Variants in SLC35D4 observed in about 807,000 individuals in gnomAD.
The protein encoded by SLC35D4 is UDP-N-acetylglucosamine transporter SLC35D4.
chr18:23,285,803 G>A, the SLC35D4 span, among the ~76,000 whole-genome samples: 6 of 152,004 alleles, frequency 3.9e-5, no homozygotes, highest in South Asian at 2.1e-4. Flanking sequence ...TCCGGCTTAC[G>A]GTTTCATTCC....
At chr18:23,414,879 C>T in the SLC35D4 span, among the ~76,000 whole-genome samples, 4,034 of 152,176 alleles carry the variant, frequency 0.027, 60 homozygotes, top group Middle Eastern at 0.061. Context: ...CTTTGAGAGG[C>T]CATCAGGAGG....
the SLC35D4 span, among the ~76,000 whole-genome samples, chr18:23,286,818 C>T: frequency 0.011 from 1,682 of 150,712 alleles, 25 homozygotes; most frequent in African/African-American, 0.039. Flanking sequence ...CTTATTAGGC[C>T]GAGACACTTT....
the SLC35D4 span, among the ~76,000 whole-genome samples, chr18:23,264,806 A>G: frequency 1.1e-3 from 169 of 151,856 alleles, no homozygotes; most frequent in African/African-American, 3.7e-3. Context: ...CGCCACGCCC[A>G]GCTGATTTTT....
At chr18:23,252,808 T>C in the SLC35D4 span, 7 of 560,402 alleles carry the variant, frequency 1.2e-5, no homozygotes. Context: ...CCCTTCAGGC[T>C]CCTGGATTCC....
At chr18:23,244,005 A>G in the SLC35D4 span, among the ~76,000 whole-genome samples, 246 of 152,178 alleles carry the variant, frequency 1.6e-3, 5 homozygotes, top group East Asian at 0.037. Flanking sequence ...CACCCAGGAT[A>G]TTGCAACATC....
chr18:23,297,670 A>G, the SLC35D4 span: 1 of 292,588 alleles, frequency 3.4e-6, no homozygotes, highest in Non-Finnish European at 6.6e-6. Context: ...AGGCGAGCAG[A>G]GCCAGCCCAT....
At chr18:23,246,913 G>A in the SLC35D4 span, among the ~76,000 whole-genome samples, 7 of 152,110 alleles carry the variant, frequency 4.6e-5, no homozygotes, top group East Asian at 1.9e-4. Flanking sequence ...AGCTGGTCTC[G>A]AACTCCTGAC....
the SLC35D4 span, among the ~76,000 whole-genome samples, chr18:23,312,400 C>T: frequency 1.3e-5 from 2 of 152,190 alleles, no homozygotes; most frequent in Admixed American, 6.5e-5. Context: ...CCGGTGCCTT[C>T]GCCGTCTGCC....
At chr18:23,361,991 C>G in the SLC35D4 span, among the ~76,000 whole-genome samples, 1 of 152,298 alleles carries the variant, frequency 6.6e-6, no homozygotes, top group Middle Eastern at 3.4e-3. Flanking sequence ...AGAATATTTT[C>G]ATTACCTCAA....
At chr18:23,253,952 C>T in the SLC35D4 span, 23 of 1,611,134 alleles carry the variant, frequency 1.4e-5, no homozygotes, top group Admixed American at 1.0e-4. Flanking sequence ...TAGCCTTTTT[C>T]CTGGTGGCTG....
At chr18:23,437,822 T>G in the SLC35D4 span, 4 of 1,612,906 alleles carry the variant, frequency 2.5e-6, no homozygotes, top group Non-Finnish European at 2.5e-6. Flanking sequence ...GTACAAAAGG[T>G]GAGGCCGACC....
the SLC35D4 span, among the ~76,000 whole-genome samples, chr18:23,358,121 G>A: frequency 6.6e-6 from 1 of 152,338 alleles, no homozygotes; most frequent in South Asian, 2.1e-4. Context: ...TGGAGGGAGA[G>A]TCTGTCCACG....
chr18:23,428,566 G>A, the SLC35D4 span, among the ~76,000 whole-genome samples: 1 of 152,124 alleles, frequency 6.6e-6, no homozygotes, highest in Non-Finnish European at 1.5e-5. Flanking sequence ...CACCCAAGCT[G>A]GAGTACAGTG....
the SLC35D4 span, chr18:23,257,262 A>G: frequency 1.2e-6 from 2 of 1,612,738 alleles, no homozygotes; most frequent in Non-Finnish European, 1.7e-6. Context: ...ACAGGCGAGA[A>G]CTGATTGCCT....
the SLC35D4 span, chr18:23,368,860 T>C: frequency 1.3e-4 from 90 of 696,690 alleles, no homozygotes; most frequent in African/African-American, 1.5e-3. Context: ...ACTACTTTTA[T>C]AAATTATCCA....
the SLC35D4 span, among the ~76,000 whole-genome samples, chr18:23,298,569 A>G: frequency 6.6e-6 from 1 of 152,264 alleles, no homozygotes; most frequent in Non-Finnish European, 1.5e-5. Context: ...CCACCAGCAC[A>G]GAAAGAAACA....
At chr18:23,414,295 G>GAGGAGGGAAGGA in the SLC35D4 span, among the ~76,000 whole-genome samples, 1 of 124,048 alleles carries the variant, frequency 8.1e-6, no homozygotes, top group Admixed American at 8.8e-5. Flanking sequence ...AAAAGGAAAG[G>GAGGAGGGAAGGA]AGGAAGGAAG....
chr18:23,389,979 C>G, the SLC35D4 span, among the ~76,000 whole-genome samples: 1 of 152,128 alleles, frequency 6.6e-6, no homozygotes, highest in Non-Finnish European at 1.5e-5. Context: ...TTTAAGGAGT[C>G]AAGTTCAGCA....
the SLC35D4 span, among the ~76,000 whole-genome samples, chr18:23,308,098 C>T: frequency 9.4e-4 from 143 of 152,262 alleles, no homozygotes; most frequent in Non-Finnish European, 1.6e-3. Flanking sequence ...ATTAGCAAGG[C>T]GACAGGAAAA....
Sources: allele counts gnomAD v4.1 joint callset (sites outside exome capture counted in the v4.1 genomes callset), GRCh38; gene constraint gnomAD v4.1.1; transcripts MANE v1.5; gene names NCBI Gene and HGNC (gene_info 2026-07-23, HGNC 2026-07-21).